The following MED14 variants were observed in gnomAD, a reference collection of about 807,000 sequenced individuals.
MED14 encodes mediator of RNA polymerase II transcription subunit 14.
In MED14, 8 loss-of-function variants were observed where a neutral mutation model predicts 109.0. The ratio of observed to expected loss-of-function variants is 0.07; its 90% CI spans 0.04 to 0.13. The LOEUF (loss-of-function observed/expected upper bound fraction) is 0.13, where lower values mean the gene tolerates loss of function less well. Among genes scored for constraint, MED14 ranks in the 10% least tolerant of loss-of-function variants. MED14 has a pLI of 1.00. For synonymous variants in MED14, 399 were observed against 408.7 expected, an observed-to-expected ratio of 0.98 and a Z score of 0.29; for missense variants, 711 against 1,142.4, an observed-to-expected ratio of 0.62 and a Z score of 5.44.
rs753040156 is a variant in MED14 at position 40,649,637 on chromosome X, G to C, written c.*2169C>G. 4 of 942,679 alleles carry C rather than the reference G, an allele frequency of 4.2e-6. No homozygotes were observed. In the South Asian group the frequency reaches 9.1e-5, roughly 22 times the overall value. The allele number at this position is 942,679 out of a possible 1,213,427, so 77.7% of individuals were successfully genotyped here. A position where few individuals can be genotyped will look rare whatever the true frequency, so the allele number is the denominator to read the frequency against. ...GTTAAGTCCCAACCCGATTATTAGA[G>C]AAAATCACTTGGGCATCCAGTCCCC... On this transcript the variant is annotated 3_prime_UTR_variant, in exon 31 of 31. Coordinates refer to ENST00000324817, the MANE Select transcript of MED14 (RefSeq NM_004229.4).
chrX:40,691,011 ACAGAGGAG>A (rs1015414660), intron 15 of MED14, among the ~76,000 whole-genome samples: 2 of 112,184 alleles, frequency 1.8e-5, no homozygotes, highest in African/African-American at 6.5e-5. Context: ...ACAATAACTT[ACAGAGGAG>A]GGGATTCTTA....
At position 40,676,782 on chromosome X, in the gene MED14, G is replaced by T. The variant is rs144078360; in HGVS notation, c.2881-1421C>A. Among the ~76,000 whole-genome samples the T allele has an allele frequency of 8.4e-3, 937 of 112,046 alleles. 14 individuals carry two copies. Among genetic ancestry groups the T allele is most frequent in the African/African-American group, 0.029 (891 of 30,861 alleles). On this transcript the variant is annotated intron_variant, in intron 21 of 30. Coordinates refer to ENST00000324817, the MANE Select transcript of MED14 (RefSeq NM_004229.4). ...CCTGCTCTCACGCTTCTCCCCTGCA[G>T]CCATGTAAGGCGTGCTTGCTTCCCC...
At chrX:40,734,362 T>C (rs1025310868) in intron 1 of MED14, among the ~76,000 whole-genome samples, 10 of 112,680 alleles carry the variant, frequency 8.9e-5, no homozygotes, top group African/African-American at 1.3e-4. Flanking sequence ...GTATCTGTTA[T>C]CAGTCTCTAA....
At chrX:40,655,830 T>G (rs1447602574) in intron 28 of MED14, among the ~76,000 whole-genome samples, 3 of 111,157 alleles carry the variant, frequency 2.7e-5, no homozygotes, top group African/African-American at 9.8e-5. Flanking sequence ...AAACGCTAAC[T>G]AAAAAAAGAG....
At chrX:40,654,872 C>G (rs995225859) in intron 29 of MED14, 63 bp downstream of exon 29, 3 of 1,157,489 alleles carry the variant, frequency 2.6e-6, no homozygotes, top group Non-Finnish European at 3.5e-6. Flanking sequence ...AAAAGTTGCT[C>G]TATTATCATG....
chrX:40,721,683 C>T (rs904907357), intron 3 of MED14, among the ~76,000 whole-genome samples: 1 of 112,428 alleles, frequency 8.9e-6, no homozygotes, highest in African/African-American at 3.2e-5. Flanking sequence ...AGTGGTTACA[C>T]TGAGCCTTGG....
At chrX:40,735,938 G>A (rs1932257395), upstream of MED14, 2 of 251,443 alleles carry the variant, frequency 8.0e-6, no homozygotes, top group Non-Finnish European at 1.5e-5. Flanking sequence ...GTCGTCACCG[G>A]GAACGTCAGC....
Position 40,681,884 on chromosome X carries a change from T to C in MED14, c.2425A>G (p.Ile809Val), listed in dbSNP as rs202133596. ...CCCTTGGTGGTTCCATAACACAAGA[T>C]AAGTTTTCGGTAATTATAAACACGA... Reference protein sequence around the residue: ...EVRVYNYRKLILCYGTTKGSS... With the variant: ...EVRVYNYRKLVLCYGTTKGSS... The change falls in exon 19 of 31, where the codon ATC becomes GTC. Residue 809 changes from isoleucine to valine, a missense_variant. Ile to Val is a conservative substitution (Grantham distance 29). Around this residue, in one of 8 missense-constraint regions of MED14, gnomAD observed 388 missense variants for 517.3 expected, o/e 0.75. Coordinates refer to ENST00000324817, the MANE Select transcript of MED14 (RefSeq NM_004229.4). 3.8e-5 allele frequency: 44 copies of C among 1,158,454 alleles called. No individual in the cohort carries two copies. The East Asian group carries it at 5.6e-4, about 15-fold the overall frequency.
intron 3 of MED14, among the ~76,000 whole-genome samples, chrX:40,725,166 A>C (rs1437221390): frequency 8.9e-6 from 1 of 111,963 alleles, no homozygotes; most frequent in African/African-American, 3.2e-5. Context: ...TGGAGCTATA[A>C]TTCATTATAT....
At chrX:40,659,105 T>C in intron 28 of MED14, 122 bp downstream of exon 28, 1 of 375,738 alleles carries the variant, frequency 2.7e-6, no homozygotes, top group Admixed American at 5.3e-5. Flanking sequence ...AGTTAAAAAT[T>C]AAGAATTTAA....
chrX:40,684,130 C>A (rs1252165042), intron 16 of MED14, among the ~76,000 whole-genome samples: 4 of 111,767 alleles, frequency 3.6e-5, no homozygotes, highest in Non-Finnish European at 7.5e-5. Flanking sequence ...TTGGTTCAGA[C>A]CCCTTAATTC....
chrX:40,708,410 T>G (rs1242785725), intron 10 of MED14, among the ~76,000 whole-genome samples: 2 of 112,125 alleles, frequency 1.8e-5, no homozygotes, highest in African/African-American at 6.5e-5. Context: ...TCTATTTCTG[T>G]CAAAGTGATT....
intron 15 of MED14, among the ~76,000 whole-genome samples, chrX:40,689,905 C>T (rs1221442484): frequency 9.0e-6 from 1 of 111,629 alleles, no homozygotes; most frequent in African/African-American, 3.3e-5. Flanking sequence ...CCCATATGTG[C>T]AGCAGGTATA....
chrX:40,735,828 G>C (rs1208372783), upstream of MED14: 1 of 322,368 alleles, frequency 3.1e-6, no homozygotes, highest in Admixed American at 3.2e-5. Context: ...GCACCGCAGC[G>C]CTGGGGGGCG....
chrX:40,664,222 C>G (rs1280618760), intron 25 of MED14, 85 bp downstream of exon 25: 1 of 903,543 alleles, frequency 1.1e-6, no homozygotes, highest in Non-Finnish European at 1.5e-6. Context: ...AAAAGTAGGT[C>G]ATGACTTTCA....
At chrX:40,673,907 G>A (rs1357019080) in intron 22 of MED14, among the ~76,000 whole-genome samples, 1 of 109,823 alleles carries the variant, frequency 9.1e-6, no homozygotes, top group Non-Finnish European at 1.9e-5. Flanking sequence ...GGGAGAGGGA[G>A]AGAATAATGG....
At chrX:40,668,402 A>AG (rs1295912693) in intron 23 of MED14, among the ~76,000 whole-genome samples, 4 of 109,174 alleles carry the variant, frequency 3.7e-5, no homozygotes, top group Non-Finnish European at 7.6e-5. Flanking sequence ...AAAAAAAAAA[A>AG]AAATCAAAGA....
chrX:40,686,192 G>T (rs1257767478), intron 16 of MED14, among the ~76,000 whole-genome samples: 2 of 111,491 alleles, frequency 1.8e-5, no homozygotes, highest in African/African-American at 6.5e-5. Flanking sequence ...AAGACTTTAA[G>T]AATTATTATA....
intron 25 of MED14, 41 bp downstream of exon 25, chrX:40,664,266 G>A: frequency 8.7e-7 from 1 of 1,154,517 alleles, no homozygotes; most frequent in Non-Finnish European, 1.2e-6. Flanking sequence ...GTCACTTTGG[G>A]TTATACTAAA....
Sources: allele counts gnomAD v4.1 joint callset (sites outside exome capture counted in the v4.1 genomes callset), GRCh38; gene constraint gnomAD v4.1.1; regional missense constraint gnomAD v4.1.1; transcripts MANE v1.5; gene names NCBI Gene and HGNC (gene_info 2026-07-23, HGNC 2026-07-21).